Variants in RAF1 observed in about 807,000 individuals in gnomAD.
RAF1 encodes the protein RAF proto-oncogene serine/threonine-protein kinase.
A neutral mutation model predicts 81.1 loss-of-function variants in RAF1; 27 were observed. The observed-to-expected ratio is 0.33, with a 90% CI of 0.25 to 0.46. The LOEUF is 0.46. Among genes scored for constraint, RAF1 ranks in the 20% least tolerant of loss-of-function variants. The probability of loss-of-function intolerance (pLI) is 1.00; values close to 1 mark genes in which losing one functional copy is unlikely to be tolerated. For missense variants in RAF1, 598 were observed against 826.0 expected (o/e 0.72, Z 3.38); for synonymous variants, 298 against 294.0 (o/e 1.01, Z -0.14).
intron 10 of RAF1, 79 bp downstream of exon 9, chr3:12,600,073 A>G: frequency 5.7e-6 from 9 of 1,574,160 alleles, no homozygotes; most frequent in Non-Finnish European, 7.9e-6. Context: ...CTCCCAAAAT[A>G]AGTTTAAGTA....
chr3:12,627,735 T>C (rs544478001), intron 1 of RAF1, among the ~76,000 whole-genome samples: 57 of 152,230 alleles, frequency 3.7e-4, no homozygotes, highest in Non-Finnish European at 7.5e-4. Context: ...AATCAAGCAA[T>C]TCATGACTGT....
chr3:12,663,235 G>A (rs529747198), intron 1 of RAF1, among the ~76,000 whole-genome samples: 8 of 152,290 alleles, frequency 5.3e-5, no homozygotes, highest in Admixed American at 5.2e-4. Context: ...AGCGTCCTGA[G>A]GCCAATCCTC....
intron 2 of RAF1, among the ~76,000 whole-genome samples, chr3:12,615,303 AAAAT>A (rs2059340105): frequency 6.6e-6 from 1 of 152,248 alleles, no homozygotes; most frequent in Non-Finnish European, 1.5e-5. Flanking sequence ...ACACATTTAG[AAAAT>A]AAAAATTCCA....
At chr3:12,653,829 A>G (rs1158684972) in intron 1 of RAF1, among the ~76,000 whole-genome samples, 1 of 152,092 alleles carries the variant, frequency 6.6e-6, no homozygotes, top group Non-Finnish European at 1.5e-5. Context: ...CATGGGTCCC[A>G]TATGAAGTAC....
At chr3:12,646,140 T>C (rs2060340991) in intron 1 of RAF1, among the ~76,000 whole-genome samples, 1 of 152,168 alleles carries the variant, frequency 6.6e-6, no homozygotes, top group South Asian at 2.1e-4. Context: ...GTATCAAAAA[T>C]CTAATCTTTG....
intron 11 of RAF1, among the ~76,000 whole-genome samples, chr3:12,596,917 G>A (rs1253426820): frequency 8.7e-6 from 1 of 114,570 alleles, no homozygotes; most frequent in African/African-American, 3.6e-5. Flanking sequence ...TTTTTTTTTT[G>A]AGACGGAGTC....
rs1273380537 is a variant in RAF1, at chr3:12,608,804, A to G, written c.543T>C (p.Pro181=). ...TGTTACTCCAGTCCACACACATAGTAGGTACTTTGGTGCTACAGTGCTCAT... is the reference window on the plus strand; with the variant it reads ...TGTTACTCCAGTCCACACACATAGTGGGTACTTTGGTGCTACAGTGCTCAT... The change falls in exon 5 of 18, where the codon CCT becomes CCC. Residue 181 remains proline (P), a synonymous_variant. Coordinates refer to ENST00000442415, the MANE Select transcript of RAF1 (RefSeq NM_001354689.3). The G allele has an allele frequency of 3.1e-6, 5 of 1,614,084 alleles. No individual in the cohort carries two copies. The highest frequency in any genetic ancestry group is 4.2e-6 in the Non-Finnish European group (5 of 1,180,030).
At chr3:12,641,215 G>T (rs553534571) in intron 1 of RAF1, among the ~76,000 whole-genome samples, 3 of 129,146 alleles carry the variant, frequency 2.3e-5, no homozygotes, top group Admixed American at 1.7e-4. Context: ...GCCTGTCATG[G>T]GGTGGGGGGA....
intron 1 of RAF1, among the ~76,000 whole-genome samples, chr3:12,629,152 T>G (rs1387796953): frequency 6.6e-6 from 1 of 152,128 alleles, no homozygotes; most frequent in African/African-American, 2.4e-5. Context: ...AACGAAACAA[T>G]GGTAGTTGTA....
chr3:12,656,783 A>G (rs2060707114), intron 1 of RAF1, among the ~76,000 whole-genome samples: 1 of 152,086 alleles, frequency 6.6e-6, no homozygotes, highest in South Asian at 2.1e-4. Context: ...GATCATCTGC[A>G]GTCAGGAGTT....
chr3:12,650,004 G>C (rs2060471633), intron 1 of RAF1, among the ~76,000 whole-genome samples: 1 of 151,908 alleles, frequency 6.6e-6, no homozygotes, highest in Non-Finnish European at 1.5e-5. Context: ...AAATTAGCCA[G>C]GTGTGGTGAT....
intron 1 of RAF1, among the ~76,000 whole-genome samples, chr3:12,620,295 C>T (rs530990006): frequency 2.6e-4 from 40 of 152,130 alleles, no homozygotes; most frequent in African/African-American, 8.7e-4. Context: ...CCACCACGCC[C>T]GACTGATTTT....
intron 14 of RAF1, 192 bp from the exon 14 acceptor site, chr3:12,585,991 G>C (rs2058321799): frequency 3.4e-6 from 2 of 582,582 alleles, no homozygotes; most frequent in Non-Finnish European, 6.2e-6. Context: ...AGACAGGCAG[G>C]GATTGGTCAA....
At chr3:12,636,666 G>T (rs1163651559) in intron 1 of RAF1, among the ~76,000 whole-genome samples, 1 of 151,932 alleles carries the variant, frequency 6.6e-6, no homozygotes, top group African/African-American at 2.4e-5. Context: ...AATTAGCCAG[G>T]CATGGTGGCT....
At chr3:12,607,369 CG>C in intron 5 of RAF1, among the ~76,000 whole-genome samples, 1 of 152,100 alleles carries the variant, frequency 6.6e-6, no homozygotes, top group East Asian at 1.9e-4. Context: ...CTTGTGCCGC[CG>C]GATGCGGTGG....
rs2125343190 is a variant in RAF1 at position 12,590,881 on chromosome 3, G to A, written c.1347C>T (p.Leu449=). ...TCTCCTGGACATGCAGGTGTTTGTA[G>A]AGGCTGCTGCCCTCGCACCACTGGG... The change falls in exon 13 of 18, where the codon CTC becomes CTT. Residue 449 remains leucine, a synonymous_variant. Transcript: ENST00000442415. The A allele has an allele frequency of 6.2e-7, 1 of 1,613,398 alleles. No individual in the cohort carries two copies. The highest frequency in any genetic ancestry group is 8.5e-7 in the Non-Finnish European group (1 of 1,179,312).
At chr3:12,618,146 A>G (rs866926849) in intron 2 of RAF1, among the ~76,000 whole-genome samples, 3 of 152,152 alleles carry the variant, frequency 2.0e-5, no homozygotes, top group African/African-American at 7.2e-5. Flanking sequence ...GTAATAGTCA[A>G]AAAGCTTTAG....
chr3:12,608,834 T>C lies in RAF1; in HGVS notation c.513A>G (p.Lys171=), dbSNP rs561163045. 13 of 1,614,196 alleles carry C rather than the reference T, an allele frequency of 8.1e-6. No homozygotes were observed. In the East Asian group the frequency reaches 2.5e-4, roughly 30 times the overall value. Reference sequence around the variant, plus strand: ...CTTTGGTGCTACAGTGCTCATGAAATTTGTAGCCACAAGTCTGACATCGAA... The same window carrying C: ...CTTTGGTGCTACAGTGCTCATGAAACTTGTAGCCACAAGTCTGACATCGAA... The change falls in exon 5 of 18, where the codon AAA becomes AAG. Residue 171 remains lysine, a synonymous_variant. Transcript: ENST00000442415.
intron 1 of RAF1, among the ~76,000 whole-genome samples, chr3:12,624,885 C>CAAAAAA (rs11298876): frequency 9.8e-4 from 109 of 111,554 alleles, no homozygotes; most frequent in African/African-American, 2.1e-3. Flanking sequence ...GACTCCAACT[C>CAAAAAA]AAAAAAAAAA....
Sources: allele counts gnomAD v4.1 joint callset (sites outside exome capture counted in the v4.1 genomes callset), GRCh38; gene constraint gnomAD v4.1.1; transcripts MANE v1.5; gene names NCBI Gene and HGNC (gene_info 2026-07-23, HGNC 2026-07-21).